Variants in ADGRV1 observed in about 807,000 individuals in gnomAD.
ADGRV1 encodes the protein G-protein coupled receptor 98.
ADGRV1 carries 359 observed loss-of-function variants against 596.2 expected under a neutral mutation model. The ratio of observed to expected loss-of-function variants is 0.60; its 90% confidence interval spans 0.55 to 0.66. ADGRV1 has a LOEUF of 0.66. Among genes scored for constraint, ADGRV1 ranks in the 30% least tolerant of loss-of-function variants. The pLI is 0.00. For synonymous variants in ADGRV1, 2,681 were observed against 2,679.2 expected (o/e 1.00, Z -0.02); for missense variants, 7,274 against 7,575.6 (o/e 0.96, Z 1.48).
At chr5:90,932,375 C>CA (rs1421872941) in intron 83 of ADGRV1, among the ~76,000 whole-genome samples, 1 of 152,128 alleles carries the variant, frequency 6.6e-6, no homozygotes, top group Non-Finnish European at 1.5e-5. Flanking sequence ...GGTATTTACT[C>CA]ATCTTTTGTG....
chr5:91,151,948 C>T (rs1796098376), intron 88 of ADGRV1, among the ~76,000 whole-genome samples: 1 of 152,220 alleles, frequency 6.6e-6, no homozygotes, highest in South Asian at 2.1e-4. Flanking sequence ...TTTTCAGAAA[C>T]GAAGTGTCTT....
chr5:90,646,795 G>A (rs200676867), intron 16 of ADGRV1, among the ~76,000 whole-genome samples: 1 of 134,286 alleles, frequency 7.4e-6, no homozygotes, highest in Non-Finnish European at 1.6e-5. Flanking sequence ...TTTTTTTTGA[G>A]ATGGAATATT....
chr5:90,871,190 T>C (rs946982304), intron 83 of ADGRV1, among the ~76,000 whole-genome samples: 1 of 152,206 alleles, frequency 6.6e-6, no homozygotes, highest in African/African-American at 2.4e-5. Context: ...TATTCACAAG[T>C]GTGTGCTTTG....
intron 71 of ADGRV1, among the ~76,000 whole-genome samples, chr5:90,803,808 T>C (rs1262057894): frequency 6.6e-6 from 1 of 151,836 alleles, no homozygotes; most frequent in Non-Finnish European, 1.5e-5. Flanking sequence ...TGTTGTCTTC[T>C]TTTTGTTCAT....
intron 83 of ADGRV1, among the ~76,000 whole-genome samples, chr5:90,936,364 AT>A (rs1449929629): frequency 6.6e-6 from 1 of 152,144 alleles, no homozygotes; most frequent in African/African-American, 2.4e-5. Context: ...TTACTTTCAA[AT>A]TTGTAAATAT....
intron 20 of ADGRV1, chr5:90,655,700 C>G (rs538758161): frequency 1.3e-5 from 2 of 152,204 alleles, no homozygotes; most frequent in African/African-American, 4.8e-5. Flanking sequence ...TAATGCTTAG[C>G]TTCTTCCATC....
At chr5:90,690,249 T>C (rs1354007801) in intron 30 of ADGRV1, among the ~76,000 whole-genome samples, 173 bp downstream of exon 30, 1 of 152,212 alleles carries the variant, frequency 6.6e-6, no homozygotes, top group Non-Finnish European at 1.5e-5. Context: ...AGTGATTGTT[T>C]AAAAAAGAAA....
At chr5:90,840,431 T>C (rs1039598409) in intron 77 of ADGRV1, 147 bp from the exon 78 acceptor site, 3 of 602,014 alleles carry the variant, frequency 5.0e-6, no homozygotes, top group African/African-American at 3.7e-5. Context: ...ATGAAAAGTA[T>C]AAAACCCCAT....
At chr5:90,578,922 A>G (rs1218194961) in intron 1 of ADGRV1, among the ~76,000 whole-genome samples, 1 of 152,068 alleles carries the variant, frequency 6.6e-6, no homozygotes, top group African/African-American at 2.4e-5. Flanking sequence ...GTATTCTCTG[A>G]TGGTAGTTTG....
intron 85 of ADGRV1, among the ~76,000 whole-genome samples, chr5:91,020,650 C>T (rs979654485): frequency 6.6e-6 from 1 of 151,976 alleles, no homozygotes; most frequent in Non-Finnish European, 1.5e-5. Context: ...GTGTGAAAGA[C>T]CCACTGCCAT....
intron 83 of ADGRV1, among the ~76,000 whole-genome samples, chr5:90,958,563 T>C (rs1342516963): frequency 6.6e-6 from 1 of 152,150 alleles, no homozygotes; most frequent in African/African-American, 2.4e-5. Flanking sequence ...TCTCACAGTT[T>C]GGAGGCTAGA....
chr5:90,923,262 A>C (rs1396575304), intron 83 of ADGRV1, among the ~76,000 whole-genome samples: 1 of 152,158 alleles, frequency 6.6e-6, no homozygotes, highest in Non-Finnish European at 1.5e-5. Context: ...ATAAACAAAT[A>C]TTATAGTAAG....
chr5:90,839,939 G>A (rs1365970813), intron 77 of ADGRV1, among the ~76,000 whole-genome samples: 1 of 152,174 alleles, frequency 6.6e-6, no homozygotes, highest in African/African-American at 2.4e-5. Context: ...GAGTTTAATA[G>A]TTCTTGGCTC....
chr5:90,811,596 A>T (rs189575580), intron 74 of ADGRV1, among the ~76,000 whole-genome samples: 32 of 152,284 alleles, frequency 2.1e-4, no homozygotes, highest in Middle Eastern at 6.8e-3. Context: ...CTATACTCTC[A>T]CAATATAAAT....
Position 90,807,678 on chromosome 5 carries a change from G to C in ADGRV1, c.14913G>C (p.Glu4971Asp), listed in dbSNP as rs1398667384. The change falls in exon 73 of 90, where the codon GAG (glutamate) becomes GAC (aspartate). Residue 4971 changes from glutamate to aspartate, a missense_variant. Glu to Asp is a conservative substitution (Grantham distance 45). Around this residue, in one of 5 missense-constraint regions of ADGRV1, gnomAD observed 1,874 missense variants for 1,970.2 expected, o/e 0.95. Transcript: ENST00000405460. ...CGTTTCCTAGCCCTGGTTGGCCAGAGGCCTTTGTTCTTCACCTATCAGGAG... is the reference window on the plus strand; with the variant it reads ...CGTTTCCTAGCCCTGGTTGGCCAGACGCCTTTGTTCTTCACCTATCAGGAG... ...LWTFPSPGWP[E>D]AFVLHLSGVQ... is the part of the protein sequence containing the mutation. 1 of 1,612,252 alleles carries C rather than the reference G, an allele frequency of 6.2e-7. No homozygotes were observed.
intron 85 of ADGRV1, among the ~76,000 whole-genome samples, chr5:91,002,077 T>G (rs971932650): frequency 1.3e-5 from 2 of 152,218 alleles, no homozygotes; most frequent in Non-Finnish European, 2.9e-5. Context: ...CCTTCATGAA[T>G]GCTTATAGAT....
chr5:90,810,004 A>G (rs963503473), intron 73 of ADGRV1, among the ~76,000 whole-genome samples: 2 of 152,228 alleles, frequency 1.3e-5, no homozygotes, highest in African/African-American at 2.4e-5. Flanking sequence ...TAAGCTTTTC[A>G]TTTAGCTCAG....
rs876657470 is a variant in ADGRV1 at position 90,778,031 on chromosome 5, T to C, written c.12654T>C (p.Ile4218=). 8 of 1,569,456 alleles carry C rather than the reference T, an allele frequency of 5.1e-6. No individual in the cohort carries two copies. The East Asian group carries it at 1.9e-4, about 36-fold the overall frequency. Reference sequence around the variant, plus strand: ...TGCGAGACGAACAGTCTGCAGTCATTGTAGTAATACAGGTATCAATATTAG... The same window carrying C: ...TGCGAGACGAACAGTCTGCAGTCATCGTAGTAATACAGGTATCAATATTAG... ...LTMRDEQSAV[I]VVIQALNDDI... is the part of the protein sequence containing the mutation. Residue 4218 remains isoleucine, a synonymous_variant, in exon 62 of 90, where the codon ATT becomes ATC. Coordinates refer to ENST00000405460, the MANE Select transcript of ADGRV1 (RefSeq NM_032119.4).
chr5:90,795,548 G>A (rs1005764118), intron 70 of ADGRV1, among the ~76,000 whole-genome samples: 5 of 152,184 alleles, frequency 3.3e-5, no homozygotes, highest in Non-Finnish European at 5.9e-5. Context: ...GCACCTGGGG[G>A]AAGGGGCGGC....
Sources: gnomAD v4.1 joint callset for allele counts (sites outside exome capture counted in the v4.1 genomes callset) on GRCh38, gnomAD v4.1.1 for gene constraint, gnomAD v4.1.1 regional missense constraint, MANE v1.5 for transcripts, NCBI Gene and HGNC (gene_info 2026-07-23, HGNC 2026-07-21) for gene names.